Variants in RARB observed in about 807,000 individuals in gnomAD.
The protein encoded by RARB is retinoic acid receptor beta, also known as HBV-activated protein.
Under a neutral mutation model 51.9 loss-of-function variants are expected in RARB, and 17 were observed. The observed-to-expected ratio is 0.33, with a 90% CI of 0.22 to 0.49. The LOEUF is 0.49. RARB is among the 20% of genes least tolerant of loss of function. The pLI is 0.99. For synonymous variants in RARB, 215 were observed against 195.4 expected (o/e 1.10, Z -0.84); for missense variants, 369 against 550.8 (o/e 0.67, Z 3.30).
chr3:25,204,137 C>CT (rs1236179240), intron 5 of RARB, among the ~76,000 whole-genome samples: 11 of 152,248 alleles, frequency 7.2e-5, no homozygotes, highest in African/African-American at 2.2e-4. Flanking sequence ...TCTTTTTACT[C>CT]TTTTTTCTCT....
At position 24,902,570 on chromosome 3, in the gene RARB, A is replaced by G. The variant is rs184862986; in HGVS notation, c.-380+43818A>G. ...TCTGGGTTGGGAATTTTATGAATTT[A>G]TATGTATTGTACAGTGAACCGAGGA... On this transcript the variant is annotated intron_variant, in intron 2 of 11. Transcript: ENST00000383772. Among the ~76,000 whole-genome samples, 509 of 152,288 alleles carry G rather than the reference A, an allele frequency of 3.3e-3. 3 individuals are homozygous for G. The highest frequency in any genetic ancestry group is 0.012 in the African/African-American group (484 of 41,572).
intron 3 of RARB, among the ~76,000 whole-genome samples, chr3:25,077,707 A>AGT (rs1194438655): frequency 4.6e-5 from 7 of 151,756 alleles, no homozygotes; most frequent in Non-Finnish European, 8.8e-5. Context: ...TGGATCACAG[A>AGT]GTGTGTGTGT....
At chr3:25,460,510 C>T (rs772041858) in intron 1 of RARB, among the ~76,000 whole-genome samples, 5 of 151,684 alleles carry the variant, frequency 3.3e-5, no homozygotes, top group East Asian at 1.9e-4. Context: ...TTCAGTCGTA[C>T]GATTTCAGCT....
At chr3:25,258,563 AT>A (rs1702923441) in intron 5 of RARB, among the ~76,000 whole-genome samples, 2 of 152,242 alleles carry the variant, frequency 1.3e-5, no homozygotes, top group African/African-American at 4.8e-5. Context: ...TGAAGTGGGC[AT>A]TTGGAATGTA....
intron 5 of RARB, among the ~76,000 whole-genome samples, chr3:25,229,310 A>G (rs1374593959): frequency 1.3e-5 from 2 of 152,138 alleles, no homozygotes; most frequent in Non-Finnish European, 2.9e-5. Context: ...GATAATATAC[A>G]TAACTTTATT....
intron 5 of RARB, among the ~76,000 whole-genome samples, chr3:25,213,725 C>T (rs1442980992): frequency 6.6e-6 from 1 of 152,178 alleles, no homozygotes; most frequent in Non-Finnish European, 1.5e-5. Context: ...GCAATGAGAG[C>T]TAGAATAATG....
chr3:24,948,984 A>G (rs778968998), intron 2 of RARB, among the ~76,000 whole-genome samples: 2 of 152,198 alleles, frequency 1.3e-5, no homozygotes, highest in East Asian at 3.9e-4. Context: ...TTATAGTGAC[A>G]CAGAAATGAA....
intron 2 of RARB, among the ~76,000 whole-genome samples, chr3:24,887,442 CCTTGAGAGTTA>C (rs1219504341): frequency 1.3e-5 from 2 of 152,130 alleles, no homozygotes; most frequent in African/African-American, 2.4e-5. Flanking sequence ...TCTCAATGCT[CCTTGAGAGTTA>C]CAGTATTGAG....
chr3:24,971,568 G>T (rs910322037), intron 2 of RARB, among the ~76,000 whole-genome samples: 9 of 152,018 alleles, frequency 5.9e-5, no homozygotes, highest in Admixed American at 2.0e-4. Flanking sequence ...AAATGCCAAA[G>T]CTAAGTTTTT....
intron 2 of RARB, among the ~76,000 whole-genome samples, chr3:24,959,699 A>G (rs541208910): frequency 1.3e-5 from 2 of 152,200 alleles, no homozygotes; most frequent in Non-Finnish European, 2.9e-5. Flanking sequence ...AGATTAAAAC[A>G]AAATGAAAAG....
At chr3:24,963,606 C>A (rs967128088) in intron 2 of RARB, among the ~76,000 whole-genome samples, 1 of 151,740 alleles carries the variant, frequency 6.6e-6, no homozygotes, top group African/African-American at 2.4e-5. Flanking sequence ...ACCTACTGGC[C>A]TTGGAGAATT....
At chr3:25,063,951 G>A (rs555737565) in intron 3 of RARB, among the ~76,000 whole-genome samples, 25 of 152,058 alleles carry the variant, frequency 1.6e-4, no homozygotes, top group African/African-American at 2.9e-4. Context: ...TGCCAGATTC[G>A]AATGATCTCC....
At chr3:24,952,537 T>C (rs1213652146) in intron 2 of RARB, among the ~76,000 whole-genome samples, 1 of 152,114 alleles carries the variant, frequency 6.6e-6, no homozygotes, top group Non-Finnish European at 1.5e-5. Context: ...TTTGTCTAGT[T>C]CGAATGGCCT....
At chr3:25,100,533 A>G (rs1031049845) in intron 3 of RARB, among the ~76,000 whole-genome samples, 2 of 152,222 alleles carry the variant, frequency 1.3e-5, no homozygotes, top group Non-Finnish European at 2.9e-5. Context: ...CTGGTTCCTA[A>G]GAATACATGT....
intron 5 of RARB, among the ~76,000 whole-genome samples, chr3:25,273,037 A>C (rs1467250871): frequency 6.6e-6 from 1 of 152,142 alleles, no homozygotes. Context: ...TGCATTTTAC[A>C]TTCCCCATAA....
At chr3:25,292,945 T>G (rs1481152284) in intron 5 of RARB, among the ~76,000 whole-genome samples, 1 of 152,140 alleles carries the variant, frequency 6.6e-6, no homozygotes, top group East Asian at 1.9e-4. Flanking sequence ...TAATGCAAAC[T>G]AAGCATGATG....
At chr3:24,976,428 T>A (rs890142950) in intron 2 of RARB, among the ~76,000 whole-genome samples, 1 of 152,114 alleles carries the variant, frequency 6.6e-6, no homozygotes, top group Non-Finnish European at 1.5e-5. Flanking sequence ...CTCTCCAGCG[T>A]CTGTTGTTTC....
intron 5 of RARB, among the ~76,000 whole-genome samples, chr3:25,267,945 A>G (rs1703163368): frequency 6.6e-6 from 1 of 152,222 alleles, no homozygotes; most frequent in African/African-American, 2.4e-5. Flanking sequence ...TTGAAACTAT[A>G]TTCTTAATTT....
chr3:24,895,545 G>A (rs979465953), intron 2 of RARB, among the ~76,000 whole-genome samples: 1 of 149,834 alleles, frequency 6.7e-6, no homozygotes, highest in African/African-American at 2.5e-5. Flanking sequence ...GGGAATTAAT[G>A]CAAAATTTAC....
Sources: gnomAD v4.1 joint callset for allele counts (sites outside exome capture counted in the v4.1 genomes callset) on GRCh38, gnomAD v4.1.1 for gene constraint, MANE v1.5 for transcripts, NCBI Gene and HGNC (gene_info 2026-07-23, HGNC 2026-07-21) for gene names.